The following LAMA3 variants were observed in gnomAD, a reference collection of about 807,000 sequenced individuals.
LAMA3 encodes the protein laminin subunit alpha-3.
In LAMA3, 281 loss-of-function variants were observed where a neutral mutation model predicts 402.0. That is an observed-to-expected ratio of 0.70 (90% CI 0.63 to 0.77). LAMA3 has a LOEUF of 0.77. Ranked by LOEUF, LAMA3 falls within the 30% of genes least tolerant of loss-of-function variation. The pLI is 0.00. For synonymous variants in LAMA3, 1,431 were observed against 1,558.4 expected (o/e 0.92, Z 1.93); for missense variants, 3,840 against 4,215.5 (o/e 0.91, Z 2.47).
chr18:23,799,738 G>GGC (rs1951641911), intron 12 of LAMA3, among the ~76,000 whole-genome samples: 1 of 151,406 alleles, frequency 6.6e-6, no homozygotes, highest in Non-Finnish European at 1.5e-5. Context: ...GTGTACGTAT[G>GGC]GAGAGAGAGA....
At chr18:23,866,943 C>T (rs1313210799) in intron 36 of LAMA3, among the ~76,000 whole-genome samples, 2 of 152,174 alleles carry the variant, frequency 1.3e-5, no homozygotes, top group African/African-American at 4.8e-5. Context: ...TGTGTTTTTG[C>T]AGCAGGGTTG....
intron 8 of LAMA3, among the ~76,000 whole-genome samples, chr18:23,768,325 A>G (rs1382053296): frequency 6.6e-6 from 1 of 152,224 alleles, no homozygotes; most frequent in African/African-American, 2.4e-5. Context: ...AAAAATGGGC[A>G]AAAGACATGA....
At position 23,871,617 on chromosome 18, in the gene LAMA3, G is replaced by C. The variant is rs2064523748; in HGVS notation, c.4954G>C (p.Glu1652Gln). 4 of 1,613,382 alleles carry C rather than the reference G, an allele frequency of 2.5e-6. No individual in the cohort carries two copies. Among genetic ancestry groups the C allele is most frequent in the Non-Finnish European group, 3.4e-6 (4 of 1,179,760 alleles). The change falls in exon 38 of 75, where the codon GAA (glutamate) becomes CAA (glutamine). Residue 1652 changes from glutamate (E) to glutamine (Q), a missense_variant. Physicochemically the swap from Glu to Gln is conservative, Grantham distance 29. This residue lies in a region of LAMA3 where 2,109 missense variants were observed against 2,376.0 expected (regional missense o/e 0.89). Coordinates refer to ENST00000313654, the MANE Select transcript of LAMA3 (RefSeq NM_198129.4). ...AAGTGGGCGCATAGCACTTGCTGTG[G>C]AAATCTGTGCCTGCCCCCCTGCCTA... ...TGSGRIALAVEICACPPAYAG... is the reference protein window; with the variant it reads ...TGSGRIALAVQICACPPAYAG...
intron 67 of LAMA3, 44 bp downstream of exon 67, chr18:23,933,979 G>C (rs761830191): frequency 1.0e-5 from 16 of 1,594,182 alleles, no homozygotes; most frequent in Non-Finnish European, 1.4e-5. Flanking sequence ...TTCCCTGGAG[G>C]ATTCCCCTGA....
chr18:23,777,684 C>A, intron 11 of LAMA3, 65 bp downstream of exon 11: 1 of 1,190,880 alleles, frequency 8.4e-7, no homozygotes, highest in Non-Finnish European at 1.3e-6. Context: ...TTTCCTACTT[C>A]CTGTGTGCAC....
At chr18:23,739,613 T>A (rs938316424) in intron 2 of LAMA3, among the ~76,000 whole-genome samples, 6 of 152,210 alleles carry the variant, frequency 3.9e-5, no homozygotes, top group African/African-American at 1.2e-4. Context: ...AATTAAAAGT[T>A]GGAAAGAACC....
At position 23,749,480 on chromosome 18, in the gene LAMA3, C is replaced by T; in HGVS notation, c.618C>T (p.Val206=). ...KEFGREANMA[V]TRDDDVLCVT... ...TTGGGCGGGAGGCAAATATGGCTGT[C>T]ACCCGGGATGATGATGTACTTTGTG... The change falls in exon 4 of 75, where the codon GTC becomes GTT. Residue 206 remains valine (V), a synonymous_variant. Transcript: ENST00000313654. The T allele has an allele frequency of 6.2e-7, 1 of 1,613,210 alleles. No homozygotes were observed. Among genetic ancestry groups the T allele is most frequent in the Non-Finnish European group, 8.5e-7 (1 of 1,179,220 alleles).
At chr18:23,745,009 T>C (rs2061627060) in intron 2 of LAMA3, among the ~76,000 whole-genome samples, 1 of 152,064 alleles carries the variant, frequency 6.6e-6, no homozygotes, top group Non-Finnish European at 1.5e-5. Context: ...AATTTGAATA[T>C]GGACAATGTA....
chr18:23,916,831 AC>A, intron 60 of LAMA3, 136 bp downstream of exon 60: 2 of 866,626 alleles, frequency 2.3e-6, no homozygotes, highest in Non-Finnish European at 1.9e-6. Flanking sequence ...CTTTTCCTCC[AC>A]CCAGTTGTAC....
At chr18:23,712,548 C>T (rs1204246010) in intron 1 of LAMA3, among the ~76,000 whole-genome samples, 4 of 150,874 alleles carry the variant, frequency 2.7e-5, no homozygotes, top group Non-Finnish European at 4.4e-5. Context: ...GAGCAGGAAA[C>T]ATATGGCCTC....
chr18:23,758,498 C>T lies in LAMA3; in HGVS notation c.1050C>T (p.Ser350=), dbSNP rs1381579649. The T allele has an allele frequency of 6.2e-7, 1 of 1,613,786 alleles. No individual in the cohort carries two copies. The highest frequency in any genetic ancestry group is 1.7e-5 in the Admixed American group (1 of 60,012). ...RRWRPAAWEQ[S]HECEACNCHG... is the part of the protein sequence containing the mutation. Reference sequence around the variant, plus strand: ...GGCGGCCCGCCGCTTGGGAGCAGAGCCACGAGTGTGAAGGTGGGTGTGGGG... The same window carrying T: ...GGCGGCCCGCCGCTTGGGAGCAGAGTCACGAGTGTGAAGGTGGGTGTGGGG... Residue 350 remains serine (S), a synonymous_variant, in exon 7 of 75, where the codon AGC becomes AGT. Transcript: ENST00000313654.
chr18:23,917,247 C>T (rs1313993628), intron 60 of LAMA3, among the ~76,000 whole-genome samples: 1 of 152,156 alleles, frequency 6.6e-6, no homozygotes, highest in Non-Finnish European at 1.5e-5. Flanking sequence ...ATATGTACCT[C>T]ATTTTCTTTA....
chr18:23,932,649 T>C, intron 66 of LAMA3: 1 of 311,560 alleles, frequency 3.2e-6, no homozygotes, highest in Admixed American at 4.5e-5. Flanking sequence ...GCCAAGGAAC[T>C]GCATGGACCA....
At chr18:23,938,949 A>G (rs1599149153) in intron 67 of LAMA3, among the ~76,000 whole-genome samples, 1 of 152,180 alleles carries the variant, frequency 6.6e-6, no homozygotes, top group African/African-American at 2.4e-5. Flanking sequence ...TCAAAGCCAC[A>G]CTAGGGCATT....
chr18:23,791,367 G>C lies in LAMA3; in HGVS notation c.1603+7210G>C, dbSNP rs144005877. Among the ~76,000 whole-genome samples, 1,045 of 152,246 alleles carry C rather than the reference G, an allele frequency of 6.9e-3. 9 individuals are homozygous for C. Among genetic ancestry groups the C allele is most frequent in the Middle Eastern group, 0.017 (5 of 294 alleles). ...ATACAGTTACTTTTTAAAGATGCTT[G>C]GCTTTGATTAATAGGTTGAGCTTGG... is the stretch of plus-strand genomic sequence containing the variant. On this transcript the variant is annotated intron_variant, in intron 12 of 74. Coordinates refer to ENST00000313654, the MANE Select transcript of LAMA3 (RefSeq NM_198129.4).
At chr18:23,720,947 A>C (rs2080203905) in intron 2 of LAMA3, among the ~76,000 whole-genome samples, 1 of 152,150 alleles carries the variant, frequency 6.6e-6, no homozygotes, top group Admixed American at 6.5e-5. Context: ...GCTTGAGGCC[A>C]GGAGTTCAAG....
chr18:23,899,612 C>T (rs2081000224), intron 47 of LAMA3, 157 bp downstream of exon 47: 1 of 720,210 alleles, frequency 1.4e-6, no homozygotes, highest in African/African-American at 1.8e-5. Context: ...TTGGTAGCCC[C>T]CAGGAGTCCC....
At chr18:23,873,353 C>G in intron 38 of LAMA3, 2 of 829,654 alleles carry the variant, frequency 2.4e-6, no homozygotes, top group Non-Finnish European at 2.1e-6. Context: ...CCTTGACTGG[C>G]AGTGTTTATT....
intron 10 of LAMA3, among the ~76,000 whole-genome samples, chr18:23,776,704 C>T (rs1355738374): frequency 2.0e-5 from 3 of 152,138 alleles, no homozygotes; most frequent in African/African-American, 7.2e-5. Context: ...TTCTCATTCA[C>T]ACCTCCCACC....
Sources: gnomAD v4.1 joint callset for allele counts (sites outside exome capture counted in the v4.1 genomes callset) on GRCh38, gnomAD v4.1.1 for gene constraint, gnomAD v4.1.1 regional missense constraint, MANE v1.5 for transcripts, NCBI Gene and HGNC (gene_info 2026-07-23, HGNC 2026-07-21) for gene names.